LSP1: variants seen among roughly 807,000 people sequenced by gnomAD.
The protein encoded by LSP1 is lymphocyte-specific protein 1.
Under a neutral mutation model 49.3 loss-of-function variants are expected in LSP1, and 32 were observed. That is an observed-to-expected ratio of 0.65 (90% confidence interval 0.49 to 0.87). The LOEUF is 0.87. Among genes scored for constraint, LSP1 ranks in the 40% least tolerant of loss-of-function variants. The probability of loss-of-function intolerance (pLI) is 0.00; values close to 1 mark genes in which losing one functional copy is unlikely to be tolerated. For missense variants in LSP1, 428 were observed against 442.6 expected, an observed-to-expected ratio of 0.97 and a Z score of 0.30; for synonymous variants, 179 against 178.8, an observed-to-expected ratio of 1.00 and a Z score of -0.01.
At chr11:1,863,014 C>T (rs936656712) in intron 1 of LSP1, among the ~76,000 whole-genome samples, 10 of 152,094 alleles carry the variant, frequency 6.6e-5, no homozygotes, top group African/African-American at 2.4e-4. Context: ...TGGGTTGTGC[C>T]GGGGGAGGGG....
intron 1 of LSP1, chr11:1,865,371 C>T: frequency 8.2e-6 from 3 of 367,476 alleles, no homozygotes; most frequent in Non-Finnish European, 1.1e-5. Context: ...GTAGGCTCTG[C>T]TGCCCCAAGC....
intron 1 of LSP1, among the ~76,000 whole-genome samples, chr11:1,855,582 C>A (rs1847468283): frequency 6.6e-6 from 1 of 152,190 alleles, no homozygotes. Flanking sequence ...GCCCCCAGGA[C>A]AGGACTGTCC....
intron 1 of LSP1, among the ~76,000 whole-genome samples, chr11:1,862,406 C>T (rs1001366134): frequency 6.6e-6 from 1 of 152,210 alleles, no homozygotes; most frequent in African/African-American, 2.4e-5. Context: ...CCTGCCATTC[C>T]AAGGTAGCTC....
At position 1,855,611 on chromosome 11, in the gene LSP1, G is replaced by A. The variant is rs184244137; in HGVS notation, c.53+2414G>A. Among the ~76,000 whole-genome samples the A allele has an allele frequency of 3.9e-5, 6 of 152,318 alleles. No homozygotes were observed. The East Asian group carries it at 1.2e-3, about 29-fold the overall frequency. On this transcript the variant is annotated intron_variant, in intron 1 of 10. Transcript: ENST00000311604. ...ACTGTCCTCTCCCACGAGGCCTCAGGCCAAAGAAGGTCCCCTGACCCTGGG... is the reference window on the plus strand; with the variant it reads ...ACTGTCCTCTCCCACGAGGCCTCAGACCAAAGAAGGTCCCCTGACCCTGGG...
intron 1 of LSP1, among the ~76,000 whole-genome samples, chr11:1,858,399 G>A (rs1316350694): frequency 2.0e-5 from 3 of 152,204 alleles, no homozygotes; most frequent in African/African-American, 4.8e-5. Flanking sequence ...TAAAGGGACC[G>A]TCCCGAAAAG....
At chr11:1,866,381 G>C (rs1471069785) in intron 1 of LSP1, 2 of 1,163,054 alleles carry the variant, frequency 1.7e-6, no homozygotes, top group Admixed American at 2.9e-5. Context: ...GATGCCCATG[G>C]GGGTGAGCTA....
intron 1 of LSP1, chr11:1,867,021 G>T: frequency 8.8e-7 from 1 of 1,134,010 alleles, no homozygotes; most frequent in Non-Finnish European, 1.2e-6. Flanking sequence ...CAGGCTCAGG[G>T]CCAGTCCCTG....
In LSP1 at chr11:1,869,847, C is replaced by T. The variant is rs111293972; in HGVS notation, c.54-10240C>T. ...AGACTGAGAAATGAATTTCTGCACCCGGACTGGGACCCCCTGGGTCAGGAC... is the reference window on the plus strand; with the variant it reads ...AGACTGAGAAATGAATTTCTGCACCTGGACTGGGACCCCCTGGGTCAGGAC... On this transcript the variant is annotated intron_variant, in intron 1 of 10. Transcript: ENST00000311604. 1,895 of 465,528 alleles carry T rather than the reference C, an allele frequency of 4.1e-3. 30 individuals carry two copies. The highest frequency in any genetic ancestry group is 0.03 in the African/African-American group (1,514 of 49,940). 28.8% of individuals were successfully genotyped at this position (465,528 alleles called of 1,614,324 possible).
Position 1,884,422 on chromosome 11 carries a change from G to A in LSP1, c.636-78G>A. On this transcript the variant is annotated intron_variant, in intron 6 of 10. Coordinates refer to ENST00000311604, the MANE Select transcript of LSP1 (RefSeq NM_002339.3). This position sits in a 1 kb window ranked among gnomAD's most constrained non-coding sequence, Gnocchi z 4.1. ...AAGGTAGAGATCTGGAGACCGAGGG[G>A]GGCTCTGGGAGAGGCTTGGGCAGGT... 4 of 1,605,640 alleles carry A rather than the reference G, an allele frequency of 2.5e-6. No individual in the cohort carries two copies. The highest frequency in any genetic ancestry group is 3.4e-6 in the Non-Finnish European group (4 of 1,172,396).
Position 1,887,564 on chromosome 11 carries a change from G to T in LSP1, c.*1G>T, listed in dbSNP as rs760159786. On this transcript the variant is annotated 3_prime_UTR_variant, in exon 10 of 11. Coordinates refer to ENST00000311604, the MANE Select transcript of LSP1 (RefSeq NM_002339.3). The stretch of plus-strand genomic sequence containing the variant: ...TGTGGAAGGGGGCCCGGCTCCCTAG[G>T]CGTCCCATCTCGGTGAGTCCCTGGC... 2 of 1,613,480 alleles carry T rather than the reference G, an allele frequency of 1.2e-6. No homozygotes were observed. Among genetic ancestry groups the T allele is most frequent in the East Asian group, 4.5e-5 (2 of 44,864 alleles).
intron 1 of LSP1, among the ~76,000 whole-genome samples, chr11:1,857,573 G>A (rs1292912437): frequency 3.3e-5 from 5 of 152,190 alleles, no homozygotes; most frequent in Admixed American, 1.3e-4. Flanking sequence ...CCCACTGCTG[G>A]GGCGGCGGGA....
At chr11:1,873,898 G>A (rs1426668349) in intron 1 of LSP1, among the ~76,000 whole-genome samples, 35 of 130,514 alleles carry the variant, frequency 2.7e-4, no homozygotes, top group East Asian at 2.5e-3. Context: ...CAGGGAGCCC[G>A]GCAGAGGAGG....
chr11:1,865,092 C>T (rs375995343), intron 1 of LSP1: 16 of 552,344 alleles, frequency 2.9e-5, no homozygotes, highest in African/African-American at 1.2e-4. Context: ...GGCAGGGGTG[C>T]GGGAGGAGGG....
At chr11:1,862,629 C>G (rs1319554972) in intron 1 of LSP1, among the ~76,000 whole-genome samples, 1 of 152,040 alleles carries the variant, frequency 6.6e-6, no homozygotes, top group Non-Finnish European at 1.5e-5. Context: ...CCTGAGTGAT[C>G]TCAGTTTCTC....
At chr11:1,868,103 T>C (rs1847853510) in intron 1 of LSP1, among the ~76,000 whole-genome samples, 1 of 152,092 alleles carries the variant, frequency 6.6e-6, no homozygotes, top group Admixed American at 6.5e-5. Flanking sequence ...GCAAGGCAAG[T>C]GTTAGGGATG....
At chr11:1,859,009 T>C (rs1320603359) in intron 1 of LSP1, among the ~76,000 whole-genome samples, 2 of 152,094 alleles carry the variant, frequency 1.3e-5, no homozygotes, top group Non-Finnish European at 2.9e-5. Flanking sequence ...GGAAGGGAGT[T>C]TGTGGCAGGG....
chr11:1,863,661 A>G (rs527639633), intron 1 of LSP1: 31 of 152,364 alleles, frequency 2.0e-4, no homozygotes, highest in Admixed American at 7.8e-4. Context: ...CCGTCCGGCC[A>G]CTAGCCCCGA....
intron 1 of LSP1, chr11:1,876,373 G>GTCT: frequency 1.0e-5 from 9 of 882,878 alleles, no homozygotes; most frequent in Non-Finnish European, 1.2e-5. Context: ...AGCTCCCCAG[G>GTCT]CCTCCTGCCA....
chr11:1,863,032 G>A (rs1403147272), intron 1 of LSP1, among the ~76,000 whole-genome samples: 7 of 152,132 alleles, frequency 4.6e-5, no homozygotes, highest in Admixed American at 4.6e-4. Context: ...GGGAGATGCT[G>A]TGGGCTCCTC....
Sources: allele counts gnomAD v4.1 joint callset (sites outside exome capture counted in the v4.1 genomes callset), GRCh38; gene constraint gnomAD v4.1.1; non-coding constraint Gnocchi (gnomAD v3.1); transcripts MANE v1.5; gene names NCBI Gene and HGNC (gene_info 2026-07-23, HGNC 2026-07-21).